Variants in CCDC171 observed in about 807,000 individuals in gnomAD.
CCDC171 encodes coiled-coil domain-containing protein 171.
CCDC171 carries 177 observed loss-of-function variants against 168.2 expected under a neutral mutation model. That is an observed-to-expected ratio of 1.05 (90% CI 0.93 to 1.19). The LOEUF is 1.19. Ranked by LOEUF, CCDC171 falls within the 50% of genes most tolerant of loss-of-function variation. The pLI is 0.00. For synonymous variants in CCDC171, 687 were observed against 540.8 expected, an observed-to-expected ratio of 1.27 and a Z score of -3.75; for missense variants, 1,991 against 1,539.0, an observed-to-expected ratio of 1.29 and a Z score of -4.91.
intron 21 of CCDC171, among the ~76,000 whole-genome samples, chr9:15,811,982 T>G (rs7849380): frequency 0.46 from 69,201 of 151,934 alleles, 15,857 homozygotes; most frequent in South Asian, 0.52. Context: ...TGGGATAATT[T>G]AGGAGGCAGA....
intron 23 of CCDC171, among the ~76,000 whole-genome samples, chr9:15,863,304 A>C (rs560172592): frequency 6.6e-6 from 1 of 151,950 alleles, no homozygotes; most frequent in African/African-American, 2.4e-5. Context: ...AATGTGACTG[A>C]TTTCTTGTTG....
chr9:15,749,296 A>C (rs2055544931), intron 18 of CCDC171, among the ~76,000 whole-genome samples: 1 of 152,214 alleles, frequency 6.6e-6, no homozygotes, highest in Non-Finnish European at 1.5e-5. Context: ...TATGCACCCA[A>C]TACAGGAGCA....
chr9:15,870,362 TG>T (rs1417167188), intron 23 of CCDC171, among the ~76,000 whole-genome samples: 6 of 151,798 alleles, frequency 4.0e-5, no homozygotes, highest in Admixed American at 1.3e-4. Context: ...ATAATGAGAA[TG>T]GAGATTATAA....
chr9:15,777,717 G>A lies in CCDC171; in HGVS notation c.2789G>A (p.Ser930Asn). 6 of 1,613,886 alleles carry A rather than the reference G, an allele frequency of 3.7e-6. No homozygotes were observed. Among genetic ancestry groups the A allele is most frequent in the Non-Finnish European group, 5.1e-6 (6 of 1,179,856 alleles). Reference sequence around the variant, plus strand: ...TGTATACCTCTGCACAGTAGCAGGAGTATTACATATGTAGAAAAAGATTCC... The same window carrying A: ...TGTATACCTCTGCACAGTAGCAGGAATATTACATATGTAGAAAAAGATTCC... Reference protein sequence around the residue: ...MECIPLHSSRSITYVEKDSLV... With the variant: ...MECIPLHSSRNITYVEKDSLV... Residue 930 changes from serine to asparagine, a missense_variant, in exon 19 of 26, where the codon AGT becomes AAT. Transcript: ENST00000380701.
In CCDC171 at chr9:15,695,297, G is replaced by T. The variant is rs750679426; in HGVS notation, c.1278G>T (p.Ser426=). The stretch of plus-strand genomic sequence containing the variant: ...AAAATAACGTGAAAGAATTGGAATC[G>T]ATCTTGGACAGCTTTACTGTGTCGG... ...TCENNVKELE[S]ILDSFTVSGQ... Residue 426 remains serine, a synonymous_variant, in exon 11 of 26, where the codon TCG becomes TCT. Coordinates refer to ENST00000380701, the MANE Select transcript of CCDC171 (RefSeq NM_173550.4). 5.0e-6 allele frequency: 8 copies of T among 1,614,074 alleles called. No homozygotes were observed. Among genetic ancestry groups the T allele is most frequent in the Non-Finnish European group, 6.8e-6 (8 of 1,179,956 alleles).
At chr9:15,831,933 G>C (rs796123659) in intron 21 of CCDC171, among the ~76,000 whole-genome samples, 1 of 152,148 alleles carries the variant, frequency 6.6e-6, no homozygotes, top group African/African-American at 2.4e-5. Context: ...GTCCCTTATA[G>C]TTAGAGGGTG....
chr9:15,562,060 T>A (rs1195243674), intron 1 of CCDC171, among the ~76,000 whole-genome samples: 1 of 152,042 alleles, frequency 6.6e-6, no homozygotes, highest in Non-Finnish European at 1.5e-5. Flanking sequence ...AGTGGCGCAA[T>A]CTTGGCTCAC....
chr9:15,784,761 A>G (rs929905259), intron 21 of CCDC171, 67 bp downstream of exon 21: 20 of 1,183,574 alleles, frequency 1.7e-5, no homozygotes, highest in Non-Finnish European at 2.3e-5. Flanking sequence ...AGAGGGAATT[A>G]TGATATCTCC....
intron 22 of CCDC171, among the ~76,000 whole-genome samples, chr9:15,848,287 T>C (rs1427449108): frequency 2.0e-5 from 3 of 151,994 alleles, no homozygotes; most frequent in African/African-American, 7.2e-5. Context: ...AATTAGATTT[T>C]TATCTTCATT....
chr9:16,107,014 A>G, the CCDC171 span, among the ~76,000 whole-genome samples: 1 of 152,182 alleles, frequency 6.6e-6, no homozygotes, highest in Admixed American at 6.5e-5. Flanking sequence ...TGCACTCTTC[A>G]TTCTGAAATA....
At chr9:15,985,231 A>G (rs776460246) in intron 3 of CCDC171, among the ~76,000 whole-genome samples, 2 of 152,188 alleles carry the variant, frequency 1.3e-5, no homozygotes, top group Admixed American at 6.5e-5. Context: ...TACTTGAGTA[A>G]TAATGCAGTA....
intron 7 of CCDC171, among the ~76,000 whole-genome samples, chr9:15,638,027 T>C: frequency 6.6e-6 from 1 of 152,208 alleles, no homozygotes; most frequent in Non-Finnish European, 1.5e-5. Flanking sequence ...TAGTTCTAGA[T>C]CCCTGAGGAA....
chr9:15,859,431 T>G (rs1379929901), intron 23 of CCDC171, among the ~76,000 whole-genome samples: 2 of 151,978 alleles, frequency 1.3e-5, no homozygotes, highest in African/African-American at 2.4e-5. Flanking sequence ...TCCCTCCTTT[T>G]CAAATTTTTT....
the CCDC171 span, among the ~76,000 whole-genome samples, chr9:16,097,006 C>T: frequency 1.4e-4 from 21 of 152,080 alleles, no homozygotes; most frequent in East Asian, 3.1e-3. Flanking sequence ...AATAGAAATT[C>T]GGAAAGAAGA....
chr9:15,589,809 G>C (rs1011069961), intron 4 of CCDC171, among the ~76,000 whole-genome samples: 5 of 152,088 alleles, frequency 3.3e-5, no homozygotes, highest in African/African-American at 7.2e-5. Flanking sequence ...GAATTAAAAA[G>C]ACAGAGGTAG....
chr9:15,614,088 C>G (rs1490794714), intron 6 of CCDC171, among the ~76,000 whole-genome samples: 1 of 152,216 alleles, frequency 6.6e-6, no homozygotes, highest in Non-Finnish European at 1.5e-5. Context: ...GATCAAAACT[C>G]TGCCTTAGCC....
chr9:15,603,337 C>G (rs1462817809), intron 6 of CCDC171, among the ~76,000 whole-genome samples: 1 of 152,142 alleles, frequency 6.6e-6, no homozygotes, highest in Non-Finnish European at 1.5e-5. Context: ...GTTTGCTGCT[C>G]CTGTCAACCC....
chr9:15,909,455 G>C (rs990384226), intron 24 of CCDC171, among the ~76,000 whole-genome samples: 3 of 152,062 alleles, frequency 2.0e-5, no homozygotes, highest in Non-Finnish European at 4.4e-5. Flanking sequence ...AAGCGAGAAG[G>C]TGGTTGGCAG....
chr9:16,093,421 T>C, the CCDC171 span, among the ~76,000 whole-genome samples: 1 of 152,194 alleles, frequency 6.6e-6, no homozygotes, highest in Non-Finnish European at 1.5e-5. Context: ...CCAGCCCCAT[T>C]TCTATCTGAT....
Sources: gnomAD v4.1 joint callset for allele counts (sites outside exome capture counted in the v4.1 genomes callset) on GRCh38, gnomAD v4.1.1 for gene constraint, MANE v1.5 for transcripts, NCBI Gene and HGNC (gene_info 2026-07-23, HGNC 2026-07-21) for gene names.